The following PTGFR variants were observed in gnomAD, a reference collection of about 807,000 sequenced individuals.
PTGFR encodes the protein prostaglandin F receptor, also known as prostaglandin F2-alpha receptor.
PTGFR carries 15 observed loss-of-function variants against 26.2 expected under a neutral mutation model. The ratio of observed to expected loss-of-function variants is 0.57; its 90% confidence interval spans 0.38 to 0.88. PTGFR has a LOEUF of 0.88. Among genes scored for constraint, PTGFR ranks in the 40% least tolerant of loss-of-function variants. PTGFR has a pLI of 0.00. For synonymous variants in PTGFR, 165 were observed against 151.1 expected (o/e 1.09, Z -0.68); for missense variants, 369 against 427.2 (o/e 0.86, Z 1.20).
intron 2 of PTGFR, among the ~76,000 whole-genome samples, chr1:78,515,709 T>C (rs1330719300): frequency 1.3e-5 from 2 of 152,226 alleles, no homozygotes; most frequent in Non-Finnish European, 2.9e-5. Context: ...AAATATAGCA[T>C]CTAATTCTAT....
chr1:78,522,615 T>C (rs1336176833), intron 2 of PTGFR, among the ~76,000 whole-genome samples: 2 of 152,106 alleles, frequency 1.3e-5, no homozygotes, highest in African/African-American at 2.4e-5. Context: ...TTTTGTTTTG[T>C]TTTAGGCTTT....
At chr1:78,532,154 A>C in intron 2 of PTGFR, 1 of 375,340 alleles carries the variant, frequency 2.7e-6, no homozygotes, top group Non-Finnish European at 5.2e-6. Context: ...TAAGAAAAAC[A>C]AATAACTAGA....
intron 2 of PTGFR, among the ~76,000 whole-genome samples, chr1:78,530,617 T>C (rs1650483550): frequency 6.6e-6 from 1 of 152,172 alleles, no homozygotes; most frequent in Non-Finnish European, 1.5e-5. Flanking sequence ...AACCTCTCTG[T>C]ACCTCAGCTT....
In PTGFR at chr1:78,536,585, T is replaced by A. The variant is rs145266816; in HGVS notation, c.978T>A (p.His326Gln). The change falls in exon 3 of 3, where the codon CAT becomes CAA. Residue 326 changes from histidine to glutamine, a missense_variant. By Grantham distance (24) the His-to-Gln change is conservative (BLOSUM62 0). Transcript: ENST00000370757. ...YKLASQCCGV[H>Q]VISLHIWELS... ...TTGCCAGTCAATGCTGTGGAGTGCA[T>A]GTCATCAGCTTACATATTTGGGAGC... 3 of 1,613,362 alleles carry A rather than the reference T, an allele frequency of 1.9e-6. No individual in the cohort carries two copies. Among genetic ancestry groups the A allele is most frequent in the East Asian group, 2.2e-5 (1 of 44,832 alleles).
intron 2 of PTGFR, among the ~76,000 whole-genome samples, chr1:78,511,046 G>T (rs1227969522): frequency 6.6e-6 from 1 of 152,154 alleles, no homozygotes; most frequent in Admixed American, 6.5e-5. Context: ...GGCTTTGCAG[G>T]GTGCAGCCAC....
At position 78,519,895 on chromosome 1, in the gene PTGFR, A is replaced by G. The variant is rs557492704; in HGVS notation, c.799-16511A>G. On this transcript the variant is annotated intron_variant, in intron 2 of 2. Coordinates refer to ENST00000370757, the MANE Select transcript of PTGFR (RefSeq NM_000959.4). ...AGAGTGGATTCTCTTCTAAAATTGC[A>G]ACTCTTCTCTTTTGACTTAATTGTT... Among the ~76,000 whole-genome samples the G allele has an allele frequency of 9.9e-5, 15 of 152,176 alleles. No homozygotes were observed. The South Asian group carries it at 3.1e-3, about 32-fold the overall frequency.
rs150756091 is a variant in PTGFR, at chr1:78,536,547, A to T, written c.940A>T (p.Asn314Tyr). ...TCTTCTACGAAAGGCTGTCCTTAAG[A>T]ATCTCTATAAGCTTGCCAGTCAATG... ...YILLRKAVLK[N>Y]LYKLASQCCG... is the part of the protein sequence containing the mutation. The change falls in exon 3 of 3, where the codon AAT becomes TAT. Residue 314 changes from asparagine (N) to tyrosine (Y), a missense_variant. Coordinates refer to ENST00000370757, the MANE Select transcript of PTGFR (RefSeq NM_000959.4). 6.2e-7 allele frequency: 1 copy of T among 1,613,482 alleles called. No homozygotes were observed. The highest frequency in any genetic ancestry group is 8.5e-7 in the Non-Finnish European group (1 of 1,179,584).
chr1:78,506,043 G>A (rs1649820889), intron 2 of PTGFR, among the ~76,000 whole-genome samples: 1 of 152,052 alleles, frequency 6.6e-6, no homozygotes, highest in African/African-American at 2.4e-5. Context: ...ATTCTTTTGG[G>A]TATATGACTA....
intron 2 of PTGFR, among the ~76,000 whole-genome samples, chr1:78,513,643 A>T (rs1182656725): frequency 6.6e-6 from 1 of 151,114 alleles, no homozygotes. Flanking sequence ...GAATTCAAGC[A>T]GTCTGTGGAG....
intron 1 of PTGFR, among the ~76,000 whole-genome samples, chr1:78,492,014 C>A (rs1490308254): frequency 2.0e-5 from 3 of 152,156 alleles, no homozygotes; most frequent in South Asian, 2.1e-4. Flanking sequence ...TTCCTCATCG[C>A]GAATCAGAAT....
chr1:78,511,606 A>T (rs1443428732), intron 2 of PTGFR, among the ~76,000 whole-genome samples: 1 of 152,042 alleles, frequency 6.6e-6, no homozygotes, highest in Non-Finnish European at 1.5e-5. Flanking sequence ...TGCCTCAAAG[A>T]CTTCTGAAAT....
chr1:78,493,433 T>C lies in PTGFR; in HGVS notation c.690T>C (p.Val230=). ...NAITGITLLR[V]KFKSQQHRQG... is the part of the protein sequence containing the mutation. ...TCACAGGAATTACACTTTTAAGAGT[T>C]AAATTTAAAAGTCAGCAGCACAGAC... Residue 230 remains valine, a synonymous_variant, in exon 2 of 3, where the codon GTT becomes GTC. Coordinates refer to ENST00000370757, the MANE Select transcript of PTGFR (RefSeq NM_000959.4). The C allele has an allele frequency of 1.2e-6, 2 of 1,613,024 alleles. No homozygotes were observed. The highest frequency in any genetic ancestry group is 1.1e-5 in the South Asian group (1 of 90,876).
intron 2 of PTGFR, among the ~76,000 whole-genome samples, chr1:78,531,524 T>C (rs2100399341): frequency 6.6e-6 from 1 of 152,310 alleles, no homozygotes; most frequent in East Asian, 1.9e-4. Context: ...TTAACTTTAC[T>C]AGGATTTCTT....
At chr1:78,513,891 G>T (rs1055344948) in intron 2 of PTGFR, among the ~76,000 whole-genome samples, 3 of 152,020 alleles carry the variant, frequency 2.0e-5, no homozygotes, top group Non-Finnish European at 4.4e-5. Context: ...TGCCAAGTGT[G>T]TAAGCCTATG....
Position 78,536,798 on chromosome 1 carries a change from T to G in PTGFR, c.*111T>G. The G allele has an allele frequency of 1.6e-6, 2 of 1,218,770 alleles. No homozygotes were observed. Among genetic ancestry groups the G allele is most frequent in the East Asian group, 2.6e-5 (1 of 38,976 alleles). The allele number at this position is 1,218,770 out of a possible 1,614,324, so 75.5% of individuals were successfully genotyped here. A position where few individuals can be genotyped will look rare whatever the true frequency, so the allele number is the denominator to read the frequency against. The stretch of plus-strand genomic sequence containing the variant: ...TAACTGGAAAATTCAGGCTTCATCA[T>G]GTAGTTTGAAGATACTATTGTCAGA... On this transcript the variant is annotated 3_prime_UTR_variant, in exon 3 of 3. Transcript: ENST00000370757.
chr1:78,506,242 A>C (rs35324676), intron 2 of PTGFR, among the ~76,000 whole-genome samples: 38,810 of 151,658 alleles, frequency 0.26, 5,257 homozygotes, highest in African/African-American at 0.33. Flanking sequence ...TAATGGCTTT[A>C]GTGGATGTCA....
intron 2 of PTGFR, among the ~76,000 whole-genome samples, chr1:78,516,202 C>A (rs1200919475): frequency 1.3e-5 from 2 of 152,142 alleles, no homozygotes; most frequent in African/African-American, 2.4e-5. Flanking sequence ...ATCCTCATGA[C>A]ATTTTGTAGA....
intron 2 of PTGFR, among the ~76,000 whole-genome samples, chr1:78,500,753 A>T (rs1397636542): frequency 2.0e-5 from 3 of 152,246 alleles, no homozygotes; most frequent in Non-Finnish European, 4.4e-5. Flanking sequence ...AGTGCATTAC[A>T]CATTGGTTTA....
rs1213220739 is a variant in PTGFR, at chr1:78,539,664, T to C, written c.*2977T>C. 6.6e-6 allele frequency: 1 copy of C among 152,544 alleles called. No homozygotes were observed. Among genetic ancestry groups the C allele is most frequent in the Non-Finnish European group, 1.5e-5 (1 of 67,992 alleles). 9.4% of individuals were successfully genotyped at this position (152,544 alleles called of 1,614,324 possible). A position where few individuals can be genotyped will look rare whatever the true frequency, so the allele number is the denominator to read the frequency against. On this transcript the variant is annotated 3_prime_UTR_variant, in exon 3 of 3. Coordinates refer to ENST00000370757, the MANE Select transcript of PTGFR (RefSeq NM_000959.4). ...GTGATATGTATATTTTGTTGTTTGCTTTGGTATGCAACTCATGTAATTTTA... is the reference window on the plus strand; with the variant it reads ...GTGATATGTATATTTTGTTGTTTGCCTTGGTATGCAACTCATGTAATTTTA...
Sources: allele counts gnomAD v4.1 joint callset (sites outside exome capture counted in the v4.1 genomes callset), GRCh38; gene constraint gnomAD v4.1.1; transcripts MANE v1.5; gene names NCBI Gene and HGNC (gene_info 2026-07-23, HGNC 2026-07-21).